ANKRD31: variants seen among roughly 807,000 people sequenced by gnomAD.
ANKRD31 encodes ankyrin repeat domain 31.
ANKRD31 carries 147 observed loss-of-function variants against 186.0 expected under a neutral mutation model. That is an observed-to-expected ratio of 0.79 (90% CI 0.69 to 0.91). The LOEUF is 0.91. Among genes scored for constraint, ANKRD31 ranks in the 40% least tolerant of loss-of-function variants. ANKRD31 has a pLI of 0.00. For synonymous variants in ANKRD31, 673 were observed against 736.4 expected (o/e 0.91, Z 1.39); for missense variants, 1,986 against 2,148.8 (o/e 0.92, Z 1.50).
intron 23 of ANKRD31, among the ~76,000 whole-genome samples, chr5:75,089,930 G>C (rs1349807348): frequency 1.3e-5 from 2 of 152,136 alleles, no homozygotes; most frequent in Admixed American, 1.3e-4. Flanking sequence ...CTATTCAAAG[G>C]CAGGAAATAA....
chr5:75,112,172 G>T (rs1747841597), intron 20 of ANKRD31, among the ~76,000 whole-genome samples: 1 of 151,904 alleles, frequency 6.6e-6, no homozygotes. Context: ...CTCACTGTAA[G>T]CTCCGCCTCC....
At chr5:75,103,769 T>C (rs1747103879) in intron 22 of ANKRD31, among the ~76,000 whole-genome samples, 1 of 152,168 alleles carries the variant, frequency 6.6e-6, no homozygotes, top group Non-Finnish European at 1.5e-5. Flanking sequence ...AAACGCTGCA[T>C]GTTCTCACTT....
intron 23 of ANKRD31, among the ~76,000 whole-genome samples, chr5:75,089,733 C>T (rs1198609948): frequency 6.6e-6 from 1 of 152,134 alleles, no homozygotes; most frequent in Admixed American, 6.5e-5. Flanking sequence ...TTTAGATAAT[C>T]TGTAGGAATA....
intron 12 of ANKRD31, among the ~76,000 whole-genome samples, chr5:75,151,275 T>G (rs1347361040): frequency 6.6e-6 from 1 of 151,988 alleles, no homozygotes; most frequent in African/African-American, 2.4e-5. Context: ...GAAGAACTGT[T>G]TTATATTAAA....
chr5:75,206,558 T>C, intron 4 of ANKRD31, 71 bp from the exon 5 acceptor site: 2 of 873,134 alleles, frequency 2.3e-6, no homozygotes, highest in Non-Finnish European at 3.0e-6. Context: ...CAAATACAAT[T>C]TAATTTTTCT....
chr5:75,182,899 G>A (rs539932399), intron 10 of ANKRD31, among the ~76,000 whole-genome samples: 13 of 152,180 alleles, frequency 8.5e-5, no homozygotes, highest in Non-Finnish European at 1.8e-4. Context: ...AATTCCCAAA[G>A]AAAACAAGAT....
intron 3 of ANKRD31, among the ~76,000 whole-genome samples, chr5:75,212,177 A>G (rs1756690717): frequency 6.6e-6 from 1 of 152,190 alleles, no homozygotes; most frequent in African/African-American, 2.4e-5. Flanking sequence ...GTGAAGAGAA[A>G]GAGAAGTGCT....
chr5:75,072,904 T>C (rs950221725), intron 25 of ANKRD31, among the ~76,000 whole-genome samples: 4 of 152,300 alleles, frequency 2.6e-5, no homozygotes, highest in African/African-American at 9.6e-5. Flanking sequence ...CGTTAAGGTA[T>C]TGGTATTAGG....
chr5:75,153,779 T>C (rs1384214825), intron 12 of ANKRD31, among the ~76,000 whole-genome samples: 1 of 152,118 alleles, frequency 6.6e-6, no homozygotes, highest in Non-Finnish European at 1.5e-5. Context: ...CAAGTTCTTT[T>C]GTTGTTCAAT....
intron 22 of ANKRD31, among the ~76,000 whole-genome samples, chr5:75,101,888 G>A (rs578197517): frequency 1.3e-3 from 205 of 152,210 alleles, no homozygotes; most frequent in Non-Finnish European, 1.9e-3. Flanking sequence ...CCTTTAGCTC[G>A]GAGAAGTCTG....
chr5:75,231,236 T>A (rs906940371), intron 1 of ANKRD31, among the ~76,000 whole-genome samples: 17 of 149,840 alleles, frequency 1.1e-4, no homozygotes, highest in Non-Finnish European at 2.2e-4. Context: ...TGCCTGGCTA[T>A]TTTTTTAATT....
chr5:75,174,738 G>T lies in ANKRD31; in HGVS notation c.1565-5617C>A, dbSNP rs529304944. Among the ~76,000 whole-genome samples the T allele has an allele frequency of 8.5e-5, 13 of 152,330 alleles. No homozygotes were observed. The East Asian group carries it at 2.3e-3, about 27-fold the overall frequency. The stretch of plus-strand genomic sequence containing the variant: ...AAAAAGTCAGGAAACAACAGATGCT[G>T]GAGAGGATGTGGAGAAATAGGAACG... On this transcript the variant is annotated intron_variant, in intron 10 of 25. Coordinates refer to ENST00000506364, the MANE Select transcript of ANKRD31 (RefSeq NM_001372053.1).
intron 3 of ANKRD31, among the ~76,000 whole-genome samples, chr5:75,215,158 A>C (rs1411552774): frequency 6.6e-6 from 1 of 152,130 alleles, no homozygotes; most frequent in African/African-American, 2.4e-5. Flanking sequence ...GTGCTGATAA[A>C]ATCTAAAGAC....
intron 5 of ANKRD31, among the ~76,000 whole-genome samples, chr5:75,199,981 A>G (rs2150259584): frequency 6.6e-6 from 1 of 152,336 alleles, no homozygotes; most frequent in East Asian, 1.9e-4. Flanking sequence ...ATTTGTAACT[A>G]CATAGGAAAA....
rs76139223 is a variant in ANKRD31, at chr5:75,107,680, C to T, written c.4244-63G>A. 9.3e-4 allele frequency: 877 copies of T among 939,630 alleles called. 9 individuals are homozygous for T. In the East Asian group the frequency reaches 0.02, roughly 21 times the overall value. The allele number at this position is 939,630 out of a possible 1,614,324, so 58.2% of individuals were successfully genotyped here. A position where few individuals can be genotyped will look rare whatever the true frequency, so the allele number is the denominator to read the frequency against. On this transcript the variant is annotated intron_variant, in intron 20 of 25. Transcript: ENST00000506364. ...AGAGTGAATGTCAAATTTGGTCATACGAGAATTAGCCCTATTGTTAATTTT... is the reference window on the plus strand; with the variant it reads ...AGAGTGAATGTCAAATTTGGTCATATGAGAATTAGCCCTATTGTTAATTTT...
At chr5:75,214,338 A>C (rs893597070) in intron 3 of ANKRD31, among the ~76,000 whole-genome samples, 2 of 152,208 alleles carry the variant, frequency 1.3e-5, no homozygotes, top group Non-Finnish European at 2.9e-5. Context: ...GCAACTTCTG[A>C]ACAGAGACAG....
chr5:75,133,878 A>T (rs72620400), intron 17 of ANKRD31, among the ~76,000 whole-genome samples: 2 of 152,310 alleles, frequency 1.3e-5, no homozygotes, highest in South Asian at 4.1e-4. Flanking sequence ...AAACCGCTCA[A>T]ATACATGGAA....
In ANKRD31 at chr5:75,154,186, G is replaced by A. The variant is rs185965106; in HGVS notation, c.1852+15C>T. The A allele has an allele frequency of 4.3e-4, 625 of 1,469,342 alleles. 3 individuals carry two copies. Among genetic ancestry groups the A allele is most frequent in the Middle Eastern group, 2.8e-3 (16 of 5,686 alleles). 91.0% of individuals were successfully genotyped at this position (1,469,342 alleles called of 1,614,324 possible). A position where few individuals can be genotyped will look rare whatever the true frequency, so the allele number is the denominator to read the frequency against. Reference sequence around the variant, plus strand: ...TGATGTGACAAATAGCTATTACAGGGCAGTTTAATCTTACCTGATGTAAGG... The same window carrying A: ...TGATGTGACAAATAGCTATTACAGGACAGTTTAATCTTACCTGATGTAAGG... On this transcript the variant is annotated intron_variant, in intron 12 of 25. Coordinates refer to ENST00000506364, the MANE Select transcript of ANKRD31 (RefSeq NM_001372053.1).
chr5:75,071,891 C>A (rs1203637178), intron 25 of ANKRD31, among the ~76,000 whole-genome samples: 1 of 152,136 alleles, frequency 6.6e-6, no homozygotes, highest in Non-Finnish European at 1.5e-5. Context: ...AGACGTGGTG[C>A]CAAAGGTGCA....
Sources: allele counts gnomAD v4.1 joint callset (sites outside exome capture counted in the v4.1 genomes callset), GRCh38; gene constraint gnomAD v4.1.1; transcripts MANE v1.5; gene names NCBI Gene and HGNC (gene_info 2026-07-23, HGNC 2026-07-21).